The following MYO10 variants were observed in gnomAD, a reference collection of about 807,000 sequenced individuals.
MYO10 encodes the protein unconventional myosin-X.
MYO10 carries 133 observed loss-of-function variants against 257.3 expected under a neutral mutation model. That is an observed-to-expected ratio of 0.52 (90% CI 0.45 to 0.60). MYO10 has a LOEUF of 0.60. MYO10 is among the 20% of genes least tolerant of loss of function. The pLI, the probability that MYO10 is intolerant of heterozygous loss-of-function variation, is 0.00. For missense variants in MYO10, 2,399 were observed against 2,635.7 expected (o/e 0.91, Z 1.97); for synonymous variants, 1,104 against 1,028.6 (o/e 1.07, Z -1.40).
chr5:16,870,704 C>T (rs1315976191), intron 2 of MYO10, among the ~76,000 whole-genome samples: 1 of 151,902 alleles, frequency 6.6e-6, no homozygotes, highest in African/African-American at 2.4e-5. Context: ...ACCAGCCCGA[C>T]CAACATGGAG....
intron 30 of MYO10, 56 bp downstream of exon 30, chr5:16,683,824 C>T: frequency 6.4e-7 from 1 of 1,564,694 alleles, no homozygotes; most frequent in Non-Finnish European, 8.8e-7. Context: ...GCACAGACAC[C>T]TGTGGACACA....
chr5:16,759,014 C>G (rs958323290), intron 17 of MYO10, among the ~76,000 whole-genome samples: 4 of 151,840 alleles, frequency 2.6e-5, no homozygotes, highest in Non-Finnish European at 4.4e-5. Flanking sequence ...CTCTGCCTCC[C>G]GGGTTCAAGC....
chr5:16,895,753 A>AACACACAC lies in MYO10; in HGVS notation c.22-18054_22-18047dup, dbSNP rs57628919. Among the ~76,000 whole-genome samples the AACACACAC allele has an allele frequency of 2.6e-3, 339 of 131,700 alleles. 1 individual carries two copies. The highest frequency in any genetic ancestry group is 9.6e-3 in the East Asian group (39 of 4,046). The allele number at this position is 131,700 out of a possible 152,430, so 86.4% of individuals were successfully genotyped here. ...TAAGCCGCCCCCTCCCCAACACCAC[A>AACACACAC]ACACACACACACACACACACACACA... On this transcript the variant is annotated intron_variant, in intron 1 of 40. Coordinates refer to ENST00000513610, the MANE Select transcript of MYO10 (RefSeq NM_012334.3).
intron 9 of MYO10, 87 bp from the exon 10 acceptor site, chr5:16,769,290 G>T: frequency 7.4e-7 from 1 of 1,359,232 alleles, no homozygotes; most frequent in South Asian, 1.6e-5. Context: ...AAAATTACTA[G>T]GTGTTATTGA....
chr5:16,895,423 C>A (rs943890677), intron 1 of MYO10, among the ~76,000 whole-genome samples: 61 of 152,254 alleles, frequency 4.0e-4, no homozygotes, highest in African/African-American at 1.4e-3. Flanking sequence ...AGGCCCGAAG[C>A]CAAGGAAGGA....
chr5:16,712,347 T>C lies in MYO10; in HGVS notation c.1930-1102A>G, dbSNP rs184829632. 7.8e-4 allele frequency among the ~76,000 whole-genome samples: 119 copies of C among 152,298 alleles called. 2 individuals are homozygous for C. Among genetic ancestry groups the C allele is most frequent in the Admixed American group, 7.0e-3 (107 of 15,296 alleles). On this transcript the variant is annotated intron_variant, in intron 19 of 40. Coordinates refer to ENST00000513610, the MANE Select transcript of MYO10 (RefSeq NM_012334.3). ...TTATTTGTTCAGCTGCCAAACAAACTGGCACTGGGGCCAGGACAATAGGTT... is the reference window on the plus strand; with the variant it reads ...TTATTTGTTCAGCTGCCAAACAAACCGGCACTGGGGCCAGGACAATAGGTT...
chr5:16,717,841 A>C (rs1275518556), intron 19 of MYO10, among the ~76,000 whole-genome samples: 6 of 152,120 alleles, frequency 3.9e-5, no homozygotes, highest in Non-Finnish European at 8.8e-5. Flanking sequence ...CTGGGCTCCC[A>C]CTTTGGTGGC....
chr5:16,935,622 C>A (rs1053125968), intron 1 of MYO10, among the ~76,000 whole-genome samples, 166 bp downstream of exon 1: 7 of 152,100 alleles, frequency 4.6e-5, no homozygotes, highest in Non-Finnish European at 7.4e-5. Context: ...CCTGCCCGGG[C>A]TTACTCATCA....
intron 4 of MYO10, among the ~76,000 whole-genome samples, chr5:16,788,676 G>A (rs1741663912): frequency 1.3e-5 from 2 of 152,058 alleles, no homozygotes. Flanking sequence ...TGCAGACTCA[G>A]AGAAGAAAAC....
intron 2 of MYO10, 75 bp downstream of exon 2, chr5:16,877,534 A>G: frequency 4.2e-6 from 5 of 1,188,038 alleles, no homozygotes; most frequent in South Asian, 1.3e-5. Context: ...AGGGGGGCCA[A>G]GCACACATGC....
intron 2 of MYO10, among the ~76,000 whole-genome samples, chr5:16,873,470 T>C (rs1229588247): frequency 6.6e-6 from 1 of 152,200 alleles, no homozygotes; most frequent in African/African-American, 2.4e-5. Flanking sequence ...TCAGTGGATC[T>C]ACCATTCTGC....
rs372258804 is a variant in MYO10 at position 16,802,655 on chromosome 5, T to TAA, written c.280-7824_280-7823dup. 3.2e-3 allele frequency among the ~76,000 whole-genome samples: 324 copies of TAA among 100,922 alleles called. 3 individuals carry two copies. The highest frequency in any genetic ancestry group is 0.011 in the East Asian group (42 of 3,728). 66.2% of individuals were successfully genotyped at this position (100,922 alleles called of 152,430 possible). ...CTGGGGGACAGAGCGAGACTGTCTC[T>TAA]AAAAAAAAAAAAAAAAAAGAAAGAA... On this transcript the variant is annotated intron_variant, in intron 3 of 40. Transcript: ENST00000513610.
intron 1 of MYO10, among the ~76,000 whole-genome samples, chr5:16,887,820 C>A (rs1744935747): frequency 6.6e-6 from 1 of 152,128 alleles, no homozygotes; most frequent in Non-Finnish European, 1.5e-5. Context: ...TCTGATTTCC[C>A]CCACCTTCCT....
At chr5:16,866,854 C>T (rs1051177033) in intron 2 of MYO10, among the ~76,000 whole-genome samples, 5 of 152,218 alleles carry the variant, frequency 3.3e-5, no homozygotes, top group African/African-American at 9.6e-5. Context: ...TCCAACCTCA[C>T]GCATTTACTG....
rs201198426 is a variant in MYO10 at position 16,835,492 on chromosome 5, G to T, written c.121-17325C>A. Among the ~76,000 whole-genome samples, 170 of 81,056 alleles carry T rather than the reference G, an allele frequency of 2.1e-3. 1 individual carries two copies. Among genetic ancestry groups the T allele is most frequent in the East Asian group, 5.1e-3 (12 of 2,348 alleles). The allele number at this position is 81,056 out of a possible 152,430, so 53.2% of individuals were successfully genotyped here. On this transcript the variant is annotated intron_variant, in intron 2 of 40. Coordinates refer to ENST00000513610, the MANE Select transcript of MYO10 (RefSeq NM_012334.3). ...GATCACACCAAAGTCATTTTTGGCT[G>T]TTTTTTTTTTTTTTTTTTTTTTTGG...
intron 2 of MYO10, among the ~76,000 whole-genome samples, chr5:16,862,754 C>T (rs1744142298): frequency 6.6e-6 from 1 of 152,082 alleles, no homozygotes; most frequent in African/African-American, 2.4e-5. Context: ...AGACAGTAGC[C>T]CACTTACCTT....
intron 18 of MYO10, among the ~76,000 whole-genome samples, chr5:16,755,358 G>A (rs1429317101): frequency 6.6e-6 from 1 of 152,132 alleles, no homozygotes; most frequent in Non-Finnish European, 1.5e-5. Context: ...GTGGAGATGC[G>A]GTTTCACCGT....
chr5:16,872,133 C>A (rs1055588709), intron 2 of MYO10, among the ~76,000 whole-genome samples: 1 of 152,220 alleles, frequency 6.6e-6, no homozygotes, highest in Admixed American at 6.5e-5. Context: ...AAGGGCTTCA[C>A]ATGGCCCAGA....
At chr5:16,834,389 G>A (rs546629301) in intron 2 of MYO10, among the ~76,000 whole-genome samples, 1 of 152,260 alleles carries the variant, frequency 6.6e-6, no homozygotes, top group South Asian at 2.1e-4. Flanking sequence ...GGGAAGGAGG[G>A]CAAGAGCAAA....
Sources: gnomAD v4.1 joint callset for allele counts (sites outside exome capture counted in the v4.1 genomes callset) on GRCh38, gnomAD v4.1.1 for gene constraint, MANE v1.5 for transcripts, NCBI Gene and HGNC (gene_info 2026-07-23, HGNC 2026-07-21) for gene names.